ERCC6L: variants seen among roughly 807,000 people sequenced by gnomAD.
ERCC6L encodes ERCC excision repair 6 like, spindle assembly checkpoint helicase, also known as DNA excision repair protein ERCC-6-like.
A neutral mutation model predicts 20.1 loss-of-function variants in ERCC6L; 7 were observed. The observed-to-expected ratio is 0.35, with a 90% CI of 0.20 to 0.65. ERCC6L has a LOEUF of 0.65. Among genes scored for constraint, ERCC6L ranks in the 30% least tolerant of loss-of-function variants. The probability of loss-of-function intolerance (pLI) is 0.69; values close to 1 mark genes in which losing one functional copy is unlikely to be tolerated. For synonymous variants in ERCC6L, 278 were observed against 331.3 expected (o/e 0.84, Z 1.75); for missense variants, 592 against 892.4 (o/e 0.66, Z 4.29).
At chrX:72,215,725 CA>C (rs2042883975) in intron 1 of ERCC6L, among the ~76,000 whole-genome samples, 2 of 111,211 alleles carry the variant, frequency 1.8e-5, no homozygotes, top group Non-Finnish European at 3.8e-5. Flanking sequence ...CCAAGGACAC[CA>C]ACCTCCATAT....
At chrX:72,217,870 A>AGAT (rs1054291059) in intron 1 of ERCC6L, among the ~76,000 whole-genome samples, 2 of 112,315 alleles carry the variant, frequency 1.8e-5, no homozygotes, top group African/African-American at 6.5e-5. Flanking sequence ...CTATATCTAT[A>AGAT]CTTATGCAAG....
chrX:72,208,770 T>C, intron 1 of ERCC6L, 72 bp from the exon 2 acceptor site: 20 of 891,197 alleles, frequency 2.2e-5, no homozygotes, highest in Non-Finnish European at 3.1e-5. Flanking sequence ...TTAGAGTTCA[T>C]TTTAGAATCC....
chrX:72,228,338 G>A (rs1465806252), intron 1 of ERCC6L, among the ~76,000 whole-genome samples: 1 of 111,550 alleles, frequency 9.0e-6, no homozygotes, highest in African/African-American at 3.3e-5. Context: ...TCTAACAAAG[G>A]GACCTTACCA....
At chrX:72,231,069 C>A (rs1232200341) in intron 1 of ERCC6L, among the ~76,000 whole-genome samples, 1 of 112,292 alleles carries the variant, frequency 8.9e-6, no homozygotes, top group African/African-American at 3.2e-5. Flanking sequence ...AATCTCACTT[C>A]TGGGTACTTC....
At chrX:72,232,279 A>C (rs2147603775) in intron 1 of ERCC6L, among the ~76,000 whole-genome samples, 1 of 101,086 alleles carries the variant, frequency 9.9e-6, no homozygotes, top group African/African-American at 3.6e-5. Flanking sequence ...GTATTAAAAA[A>C]AAAAAAAAAA....
chrX:72,227,865 A>G (rs2042962037), intron 1 of ERCC6L, among the ~76,000 whole-genome samples: 1 of 112,598 alleles, frequency 8.9e-6, no homozygotes, highest in South Asian at 3.6e-4. Context: ...ATCCTTAAAT[A>G]TCGGCCAGCC....
intron 1 of ERCC6L, among the ~76,000 whole-genome samples, chrX:72,213,154 C>A (rs1259023111): frequency 9.0e-6 from 1 of 111,476 alleles, no homozygotes; most frequent in Non-Finnish European, 1.9e-5. Flanking sequence ...TCAACAAGAA[C>A]CCAGTTTTGA....
chrX:72,229,077 T>G (rs919557303), intron 1 of ERCC6L, among the ~76,000 whole-genome samples: 9 of 111,125 alleles, frequency 8.1e-5, no homozygotes, highest in African/African-American at 3.0e-4. Context: ...TCAAACCTAT[T>G]ACAACTCCCT....
At chrX:72,219,847 CAAAA>C (rs55860938) in intron 1 of ERCC6L, among the ~76,000 whole-genome samples, 2 of 64,982 alleles carry the variant, frequency 3.1e-5, no homozygotes, top group Non-Finnish European at 3.1e-5. Context: ...GACTCCGTCT[CAAAA>C]AAAAAAAAAA....
chrX:72,231,866 C>T (rs188000846), intron 1 of ERCC6L, among the ~76,000 whole-genome samples: 81 of 111,743 alleles, frequency 7.2e-4, no homozygotes, highest in Non-Finnish European at 1.2e-3. Flanking sequence ...ACAATGTATA[C>T]GTGCATTGAA....
chrX:72,211,767 G>T (rs951389339), intron 1 of ERCC6L, among the ~76,000 whole-genome samples: 1 of 108,377 alleles, frequency 9.2e-6, no homozygotes, highest in African/African-American at 3.4e-5. Context: ...CTGGGTGACA[G>T]AGCAAGACCC....
chrX:72,205,647 G>A lies in ERCC6L; in HGVS notation c.3120C>T (p.Thr1040=). Residue 1040 remains threonine, a synonymous_variant, in exon 2 of 2, where the codon ACC becomes ACT. Transcript: ENST00000334463. Reference sequence around the variant, plus strand: ...ATGTGTTGAATGGATTTATGCTTGAGGTATCTTTAAAAGAATCATCTTCAT... The same window carrying A: ...ATGTGTTGAATGGATTTATGCTTGAAGTATCTTTAAAAGAATCATCTTCAT... ...GEDEDDSFKD[T]SSINPFNTSL... 4.1e-6 allele frequency: 5 copies of A among 1,211,624 alleles called. No homozygotes were observed. The highest frequency in any genetic ancestry group is 1.7e-5 in the African/African-American group (1 of 57,790).
chrX:72,230,859 G>T (rs1485416436), intron 1 of ERCC6L, among the ~76,000 whole-genome samples: 1 of 111,627 alleles, frequency 9.0e-6, no homozygotes, highest in East Asian at 2.8e-4. Flanking sequence ...CAGCTACTTG[G>T]GGGGCTGAGG....
intron 1 of ERCC6L, among the ~76,000 whole-genome samples, chrX:72,224,059 T>C (rs1396856244): frequency 1.8e-5 from 2 of 110,989 alleles, no homozygotes; most frequent in African/African-American, 6.6e-5. Flanking sequence ...AGACTGAGGG[T>C]GCCTGGAATC....
rs1468244549 is a variant in ERCC6L, at chrX:72,206,349, A to C, written c.2418T>G (p.Gly806=). ...GTAAAGTAGCTATAGAGTCAGCACT[A>C]CCTGTACCTTTACCATCTTGCAAGG... The part of the protein sequence containing the change: ...VTTLQDGKGT[G]SADSIATLPK... The change falls in exon 2 of 2, where the codon GGT becomes GGG. Residue 806 remains glycine (G), a synonymous_variant. Coordinates refer to ENST00000334463, the MANE Select transcript of ERCC6L (RefSeq NM_017669.4). 8.3e-7 allele frequency: 1 copy of C among 1,210,345 alleles called. No individual in the cohort carries two copies.
At chrX:72,221,383 G>A (rs1020228468) in intron 1 of ERCC6L, among the ~76,000 whole-genome samples, 2 of 111,606 alleles carry the variant, frequency 1.8e-5, no homozygotes, top group Non-Finnish European at 3.8e-5. Context: ...AGAAATCTTG[G>A]GGATGCCCAG....
At chrX:72,224,190 C>A (rs2042941721) in intron 1 of ERCC6L, among the ~76,000 whole-genome samples, 2 of 111,200 alleles carry the variant, frequency 1.8e-5, no homozygotes, top group Non-Finnish European at 3.8e-5. Context: ...AATATCAAGG[C>A]CCACTAGAAT....
At chrX:72,221,373 A>T (rs982939376) in intron 1 of ERCC6L, among the ~76,000 whole-genome samples, 5 of 111,981 alleles carry the variant, frequency 4.5e-5, no homozygotes, top group African/African-American at 1.6e-4. Flanking sequence ...AAAAGCTAGA[A>T]GAAATCTTGG....
chrX:72,238,001 G>A (rs2043027354), intron 1 of ERCC6L: 1 of 111,102 alleles, frequency 9.0e-6, no homozygotes, highest in African/African-American at 3.3e-5. Flanking sequence ...AATAATGGTT[G>A]CTAGGGGCTG....
Sources: gnomAD v4.1 joint callset for allele counts (sites outside exome capture counted in the v4.1 genomes callset) on GRCh38, gnomAD v4.1.1 for gene constraint, MANE v1.5 for transcripts, NCBI Gene and HGNC (gene_info 2026-07-23, HGNC 2026-07-21) for gene names.